NOL4: variants seen among roughly 807,000 people sequenced by gnomAD.
NOL4 encodes nucleolar protein 4.
In NOL4, 17 loss-of-function variants were observed where a neutral mutation model predicts 75.9. The observed-to-expected ratio is 0.22, with a 90% CI of 0.15 to 0.34. The LOEUF (loss-of-function observed/expected upper bound fraction) is 0.34, where lower values mean the gene tolerates loss of function less well. NOL4 is among the 10% of genes least tolerant of loss of function. The pLI, the probability that NOL4 is intolerant of heterozygous loss-of-function variation, is 1.00. For synonymous variants in NOL4, 292 were observed against 289.9 expected (o/e 1.01, Z -0.07); for missense variants, 614 against 793.5 (o/e 0.77, Z 2.72).
intron 5 of NOL4, among the ~76,000 whole-genome samples, chr18:34,086,635 T>C (rs955222627): frequency 6.6e-6 from 1 of 152,146 alleles, no homozygotes; most frequent in Non-Finnish European, 1.5e-5. Context: ...AATAATTACA[T>C]AAAACTATCT....
At chr18:34,215,946 T>G (rs1215708463) in intron 1 of NOL4, among the ~76,000 whole-genome samples, 1 of 152,206 alleles carries the variant, frequency 6.6e-6, no homozygotes, top group Non-Finnish European at 1.5e-5. Flanking sequence ...TTTTTTATAT[T>G]TCTAGATTAT....
chr18:34,049,816 T>C (rs2076555930), intron 5 of NOL4, among the ~76,000 whole-genome samples: 2 of 152,146 alleles, frequency 1.3e-5, no homozygotes, highest in African/African-American at 4.8e-5. Context: ...CAGGACTTTA[T>C]GGATGTCGCT....
At chr18:33,876,877 AT>A (rs2063960446) in intron 10 of NOL4, among the ~76,000 whole-genome samples, 2 of 152,060 alleles carry the variant, frequency 1.3e-5, no homozygotes, top group African/African-American at 4.8e-5. Context: ...CGAAACTGGT[AT>A]TTAGAGTTGA....
intron 1 of NOL4, among the ~76,000 whole-genome samples, chr18:34,148,311 G>A (rs1055234835): frequency 3.9e-5 from 6 of 151,962 alleles, no homozygotes; most frequent in South Asian, 2.1e-4. Context: ...ATGTTAGGGT[G>A]TCAATTTTAG....
intron 10 of NOL4, among the ~76,000 whole-genome samples, chr18:33,860,951 T>C (rs1376552455): frequency 6.6e-6 from 1 of 152,226 alleles, no homozygotes; most frequent in Non-Finnish European, 1.5e-5. Flanking sequence ...GATTTGCCTA[T>C]ATTGAACCAG....
intron 6 of NOL4, among the ~76,000 whole-genome samples, chr18:33,964,998 A>G (rs909937939): frequency 6.6e-6 from 1 of 152,148 alleles, no homozygotes; most frequent in African/African-American, 2.4e-5. Flanking sequence ...AGCAAGAGAC[A>G]TTTTTTGAGA....
At chr18:34,003,313 C>CT (rs1425660466) in intron 6 of NOL4, among the ~76,000 whole-genome samples, 1 of 151,922 alleles carries the variant, frequency 6.6e-6, no homozygotes, top group African/African-American at 2.4e-5. Flanking sequence ...ATAGATTGAG[C>CT]TTTTATAGGG....
intron 9 of NOL4, among the ~76,000 whole-genome samples, chr18:33,932,857 G>C (rs2067793379): frequency 6.6e-6 from 1 of 152,140 alleles, no homozygotes; most frequent in East Asian, 1.9e-4. Context: ...TAAAAGAAAG[G>C]CTTGCAAAAC....
At chr18:33,940,910 C>A (rs2068437100) in intron 9 of NOL4, among the ~76,000 whole-genome samples, 1 of 151,646 alleles carries the variant, frequency 6.6e-6, no homozygotes, top group Non-Finnish European at 1.5e-5. Context: ...GTAAGAAGTC[C>A]CATTTTTAAT....
chr18:34,188,755 T>C (rs77000278), intron 1 of NOL4, among the ~76,000 whole-genome samples: 3,865 of 152,266 alleles, frequency 0.025, 57 homozygotes, highest in African/African-American at 0.031. Flanking sequence ...AAGTGTATCA[T>C]TTTCCCAACA....
chr18:33,936,624 G>A (rs992506138), intron 9 of NOL4, among the ~76,000 whole-genome samples: 2 of 151,996 alleles, frequency 1.3e-5, no homozygotes, highest in African/African-American at 4.8e-5. Context: ...CAGCATTCCC[G>A]CTTTGTCCTT....
At chr18:34,148,812 A>T (rs1376646766) in intron 1 of NOL4, among the ~76,000 whole-genome samples, 1 of 151,798 alleles carries the variant, frequency 6.6e-6, no homozygotes, top group Non-Finnish European at 1.5e-5. Context: ...ACAGGGGGGT[A>T]TTAAAGTCTC....
chr18:33,885,084 A>T (rs1599740460), intron 9 of NOL4, among the ~76,000 whole-genome samples: 3 of 152,148 alleles, frequency 2.0e-5, no homozygotes, highest in Admixed American at 2.0e-4. Flanking sequence ...TAAGAAAAAA[A>T]TTGAAAGGAA....
intron 8 of NOL4, among the ~76,000 whole-genome samples, chr18:33,945,476 C>T (rs1241067692): frequency 2.0e-5 from 3 of 151,660 alleles, no homozygotes; most frequent in African/African-American, 4.8e-5. Context: ...ACTTTTACTA[C>T]TCAACTTCTA....
intron 10 of NOL4, among the ~76,000 whole-genome samples, chr18:33,860,605 C>T (rs2063068800): frequency 6.6e-6 from 1 of 152,116 alleles, no homozygotes; most frequent in African/African-American, 2.4e-5. Flanking sequence ...TTCCTCTTTT[C>T]CTAATTGAAT....
intron 5 of NOL4, among the ~76,000 whole-genome samples, chr18:34,088,408 A>C (rs1220573983): frequency 6.6e-6 from 1 of 152,124 alleles, no homozygotes; most frequent in Non-Finnish European, 1.5e-5. Context: ...CTAGGATCTG[A>C]GATTCAAACA....
At chr18:34,108,413 TA>T (rs71159854) in intron 2 of NOL4, among the ~76,000 whole-genome samples, 8,220 of 149,766 alleles carry the variant, frequency 0.055, 294 homozygotes, top group Middle Eastern at 0.088. Flanking sequence ...TAAATGAATT[TA>T]AAAAAAAAAG....
chr18:34,165,307 T>C (rs1210350428), intron 1 of NOL4, among the ~76,000 whole-genome samples: 1 of 152,258 alleles, frequency 6.6e-6, no homozygotes, highest in East Asian at 1.9e-4. Flanking sequence ...TTTACATCCT[T>C]AGTATCTCAC....
chr18:34,039,288 G>A (rs1255802753), intron 5 of NOL4, among the ~76,000 whole-genome samples: 4 of 151,942 alleles, frequency 2.6e-5, no homozygotes, highest in Non-Finnish European at 4.4e-5. Flanking sequence ...ATAATAGAAT[G>A]AGACACAATT....
Sources: gnomAD v4.1 joint callset for allele counts (sites outside exome capture counted in the v4.1 genomes callset) on GRCh38, gnomAD v4.1.1 for gene constraint, MANE v1.5 for transcripts, NCBI Gene and HGNC (gene_info 2026-07-23, HGNC 2026-07-21) for gene names.